Variants in MBNL2 observed in about 807,000 individuals in gnomAD.
MBNL2 encodes the protein muscleblind-like protein 2.
A neutral mutation model predicts 41.9 loss-of-function variants in MBNL2; 17 were observed. The observed-to-expected ratio is 0.41, with a 90% CI of 0.28 to 0.61. MBNL2 has a LOEUF of 0.61. Ranked by LOEUF, MBNL2 falls within the 20% of genes least tolerant of loss-of-function variation. The probability of loss-of-function intolerance (pLI) is 0.35; values close to 1 mark genes in which losing one functional copy is unlikely to be tolerated. For missense variants in MBNL2, 336 were observed against 505.6 expected, an observed-to-expected ratio of 0.66 and a Z score of 3.22; for synonymous variants, 195 against 182.9, an observed-to-expected ratio of 1.07 and a Z score of -0.53.
chr13:97,276,128 C>T lies in MBNL2; in HGVS notation c.-108C>T. The T allele has an allele frequency of 1.2e-6, 1 of 827,466 alleles. No homozygotes were observed. The highest frequency in any genetic ancestry group is 2.1e-5 in the Admixed American group (1 of 48,524). 51.3% of individuals were successfully genotyped at this position (827,466 alleles called of 1,614,324 possible). On this transcript the variant is annotated 5_prime_UTR_variant, in exon 2 of 9. Transcript: ENST00000679496. The stretch of plus-strand genomic sequence containing the variant: ...CTTCACTAAGCAATTTATCACTCAC[C>T]TTCAGACTTACATGTGGGAGTTTTC...
chr13:97,239,544 C>T (rs1228612022), intron 1 of MBNL2, among the ~76,000 whole-genome samples: 1 of 152,182 alleles, frequency 6.6e-6, no homozygotes, highest in East Asian at 1.9e-4. Flanking sequence ...CATTTTCCCC[C>T]TGGGAACATA....
chr13:97,170,392 C>T, the MBNL2 span, among the ~76,000 whole-genome samples: 1 of 152,140 alleles, frequency 6.6e-6, no homozygotes, highest in African/African-American at 2.4e-5. Context: ...AGTTTCCCTG[C>T]CAGTTGCACA....
chr13:97,286,318 C>T (rs1385896803), intron 2 of MBNL2, among the ~76,000 whole-genome samples: 1 of 152,168 alleles, frequency 6.6e-6, no homozygotes, highest in African/African-American at 2.4e-5. Context: ...ACCTTGAAAC[C>T]TGCCTTCATT....
the MBNL2 span, among the ~76,000 whole-genome samples, chr13:97,180,157 A>C: frequency 7.9e-5 from 12 of 152,198 alleles, no homozygotes; most frequent in Non-Finnish European, 4.4e-5. Context: ...AAACTCTACA[A>C]GACTTAGTAA....
At chr13:97,155,053 G>C in the MBNL2 span, among the ~76,000 whole-genome samples, 1 of 152,122 alleles carries the variant, frequency 6.6e-6, no homozygotes, top group Admixed American at 6.5e-5. Flanking sequence ...ATGTTCAATT[G>C]TGAGATGAGC....
At chr13:97,352,697 CAT>C in intron 5 of MBNL2, among the ~76,000 whole-genome samples, 1 of 152,336 alleles carries the variant, frequency 6.6e-6, no homozygotes, top group Middle Eastern at 3.4e-3. Flanking sequence ...ATAGACTCAA[CAT>C]AGGGTTGCCA....
chr13:97,148,106 A>G, the MBNL2 span, among the ~76,000 whole-genome samples: 2 of 152,234 alleles, frequency 1.3e-5, no homozygotes, highest in Non-Finnish European at 2.9e-5. Flanking sequence ...GACCGGTTAC[A>G]TAAGAGGAAA....
At chr13:97,294,080 T>C (rs1297006792) in intron 2 of MBNL2, among the ~76,000 whole-genome samples, 2 of 152,202 alleles carry the variant, frequency 1.3e-5, no homozygotes, top group Non-Finnish European at 2.9e-5. Context: ...TCAACTTTAT[T>C]ATATCTTTTT....
intron 2 of MBNL2, among the ~76,000 whole-genome samples, chr13:97,306,522 A>T (rs1369637587): frequency 2.0e-5 from 3 of 152,252 alleles, no homozygotes; most frequent in Admixed American, 1.3e-4. Flanking sequence ...GGACTGTGAC[A>T]TAAATGACAC....
the MBNL2 span, among the ~76,000 whole-genome samples, chr13:97,184,322 A>G: frequency 1.3e-5 from 2 of 152,176 alleles, no homozygotes; most frequent in African/African-American, 2.4e-5. Flanking sequence ...TCTTAAAAAA[A>G]TTGTTTTTCA....
chr13:97,284,322 C>A lies in MBNL2; in HGVS notation c.174+7913C>A, dbSNP rs545981356. On this transcript the variant is annotated intron_variant, in intron 2 of 8. Coordinates refer to ENST00000679496, the MANE Select transcript of MBNL2 (RefSeq NM_001382683.1). The stretch of plus-strand genomic sequence containing the variant: ...GGAGAGGGGTGGAAACCAGTTCTTG[C>A]CTCTTTCGGCTTTTGGTAGCGCTGT... Among the ~76,000 whole-genome samples, 235 of 152,234 alleles carry A rather than the reference C, an allele frequency of 1.5e-3. 2 individuals are homozygous for A. The highest frequency in any genetic ancestry group is 1.6e-3 in the Non-Finnish European group (106 of 68,022).
chr13:97,357,752 T>A, intron 7 of MBNL2, 117 bp downstream of exon 7: 1 of 981,456 alleles, frequency 1.0e-6, no homozygotes, highest in South Asian at 1.3e-5. Flanking sequence ...CAGTTTGAAA[T>A]TCATCGTTGT....
At chr13:97,203,229 G>T in the MBNL2 span, among the ~76,000 whole-genome samples, 1 of 152,156 alleles carries the variant, frequency 6.6e-6, no homozygotes, top group Non-Finnish European at 1.5e-5. Context: ...ATTTCTGGGG[G>T]TCATCAGAAA....
At chr13:97,227,030 A>G (rs1206234896) in intron 1 of MBNL2, among the ~76,000 whole-genome samples, 1 of 145,576 alleles carries the variant, frequency 6.9e-6, no homozygotes, top group East Asian at 2.0e-4. Context: ...TTTCCTTAAA[A>G]GCAGAGTTAC....
upstream of MBNL2, among the ~76,000 whole-genome samples, chr13:97,217,069 A>C (rs1475418512): frequency 1.7e-5 from 2 of 121,120 alleles, no homozygotes; most frequent in Admixed American, 7.7e-5. Flanking sequence ...ATATATACAC[A>C]TATGTGTTGT....
At chr13:97,370,387 G>T (rs1264520187) in intron 8 of MBNL2, among the ~76,000 whole-genome samples, 4 of 152,084 alleles carry the variant, frequency 2.6e-5, no homozygotes, top group African/African-American at 9.7e-5. Context: ...ACCATATAAT[G>T]GGCCAGGCGC....
chr13:97,276,861 T>C (rs1252806249), intron 2 of MBNL2, among the ~76,000 whole-genome samples: 1 of 152,066 alleles, frequency 6.6e-6, no homozygotes, highest in African/African-American at 2.4e-5. Context: ...AACGCTTTTC[T>C]GAAAATGTGT....
chr13:97,281,488 G>T (rs979654736), intron 2 of MBNL2, among the ~76,000 whole-genome samples: 1 of 152,104 alleles, frequency 6.6e-6, no homozygotes, highest in East Asian at 1.9e-4. Context: ...TACCCTCCTT[G>T]TCTGTCTAAA....
rs2052070311 is a variant in MBNL2, at chr13:97,275,951, T to C, written c.-285T>C. 6.8e-6 allele frequency: 2 copies of C among 292,742 alleles called. No homozygotes were observed. Among genetic ancestry groups the C allele is most frequent in the Non-Finnish European group, 1.3e-5 (2 of 157,842 alleles). 18.1% of individuals were successfully genotyped at this position (292,742 alleles called of 1,614,324 possible). ...AGTCACTTTATTAATAACAGCTGTA[T>C]CTGCAAAACAGTCAAGAGACTCGGA... On this transcript the variant is annotated 5_prime_UTR_variant, in exon 2 of 9. Coordinates refer to ENST00000679496, the MANE Select transcript of MBNL2 (RefSeq NM_001382683.1).
Sources: allele counts gnomAD v4.1 joint callset (sites outside exome capture counted in the v4.1 genomes callset), GRCh38; gene constraint gnomAD v4.1.1; transcripts MANE v1.5; gene names NCBI Gene and HGNC (gene_info 2026-07-23, HGNC 2026-07-21).